CPLX1: variants seen among roughly 807,000 people sequenced by gnomAD.
The protein encoded by CPLX1 is complexin-1.
A neutral mutation model predicts 15.6 loss-of-function variants in CPLX1; 6 were observed. The ratio of observed to expected loss-of-function variants is 0.39; its 90% CI spans 0.21 to 0.76. The LOEUF (loss-of-function observed/expected upper bound fraction) is 0.76, where lower values mean the gene tolerates loss of function less well. Among genes scored for constraint, CPLX1 ranks in the 30% least tolerant of loss-of-function variants. CPLX1 has a pLI of 0.43. For synonymous variants in CPLX1, 91 were observed against 75.2 expected, an observed-to-expected ratio of 1.21 and a Z score of -1.08; for missense variants, 242 against 188.6, an observed-to-expected ratio of 1.28 and a Z score of -1.66.
chr4:803,545 C>T lies in CPLX1; in HGVS notation c.32-10937G>A, dbSNP rs552480660. 1.1e-4 allele frequency among the ~76,000 whole-genome samples: 15 copies of T among 138,868 alleles called. No individual in the cohort carries two copies. In the East Asian group the frequency reaches 2.9e-3, roughly 27 times the overall value. 91.1% of individuals were successfully genotyped at this position (138,868 alleles called of 152,430 possible). On this transcript the variant is annotated intron_variant, in intron 2 of 3. Transcript: ENST00000304062. ...AGCTGGGACTGCAGGCGTCCGCCAC[C>T]GCGCCCGGCTAATTTTTTGTATTTT...
At chr4:787,397 C>T in intron 3 of CPLX1, 3 of 984,062 alleles carry the variant, frequency 3.0e-6, no homozygotes, top group Non-Finnish European at 3.6e-6. Context: ...GAATATTGTC[C>T]CCCTCAAATT....
chr4:787,816 G>T, intron 3 of CPLX1: 3 of 985,412 alleles, frequency 3.0e-6, no homozygotes, highest in Non-Finnish European at 2.4e-6. Context: ...GGAAGCCTGT[G>T]GTCATGGTCA....
chr4:807,641 AT>A (rs778719798), intron 2 of CPLX1, among the ~76,000 whole-genome samples: 8 of 151,182 alleles, frequency 5.3e-5, no homozygotes, highest in Admixed American at 2.0e-4. Context: ...TGCCCGGCCA[AT>A]TTTTTTTTAT....
At chr4:792,648 T>G in intron 2 of CPLX1, 40 bp from the exon 3 acceptor site, 1 of 1,577,582 alleles carries the variant, frequency 6.3e-7, no homozygotes, top group Non-Finnish European at 8.6e-7. Flanking sequence ...CCCATTCAGA[T>G]GTCCAGGGCC....
intron 3 of CPLX1, chr4:788,558 G>A (rs142473390): frequency 9.1e-6 from 9 of 985,460 alleles, no homozygotes; most frequent in Admixed American, 6.1e-5. Context: ...CAACAGGGGC[G>A]ACACCCAGAG....
chr4:824,360 T>A lies in CPLX1; in HGVS notation c.31+132A>T, dbSNP rs182194903. 1.5e-4 allele frequency: 124 copies of A among 817,526 alleles called. No individual in the cohort carries two copies. The East Asian group carries it at 3.0e-3, about 19-fold the overall frequency. The allele number at this position is 817,526 out of a possible 1,614,324, so 50.6% of individuals were successfully genotyped here. A position where few individuals can be genotyped will look rare whatever the true frequency, so the allele number is the denominator to read the frequency against. ...CGGTCCTTGCTCCTCTGCCCCAGGC[T>A]CCTGTGCAGGGCTGCGTGGGTGGCC... On this transcript the variant is annotated intron_variant, in intron 2 of 3. Coordinates refer to ENST00000304062, the MANE Select transcript of CPLX1 (RefSeq NM_006651.4).
intron 2 of CPLX1, among the ~76,000 whole-genome samples, chr4:812,759 C>T (rs367875881): frequency 3.9e-5 from 6 of 152,026 alleles, no homozygotes; most frequent in South Asian, 4.2e-4. Flanking sequence ...CGTGTCCTAA[C>T]GCTGGGTGTC....
intron 2 of CPLX1, among the ~76,000 whole-genome samples, chr4:795,591 C>T (rs145972353): frequency 6.6e-6 from 1 of 152,346 alleles, no homozygotes; most frequent in Non-Finnish European, 1.5e-5. Flanking sequence ...CAGGGGCCGA[C>T]CCCACCCCTA....
chr4:799,733 T>C (rs1746414877), intron 2 of CPLX1, among the ~76,000 whole-genome samples: 1 of 152,142 alleles, frequency 6.6e-6, no homozygotes, highest in South Asian at 2.1e-4. Flanking sequence ...CATGGTGGCA[T>C]GTGCCTGTAA....
rs760512848 is a variant in CPLX1 at position 786,585 on chromosome 4, G to A, written c.321C>T (p.Asp107=). 6.2e-6 allele frequency: 10 copies of A among 1,610,970 alleles called. No homozygotes were observed. Among genetic ancestry groups the A allele is most frequent in the Admixed American group, 3.3e-5 (2 of 59,766 alleles). The change falls in exon 4 of 4, where the codon GAC becomes GAT. Residue 107 remains aspartate (D), a synonymous_variant. Coordinates refer to ENST00000304062, the MANE Select transcript of CPLX1 (RefSeq NM_006651.4). ...PKKAIPPGCG[D]EVEEEDESIL... is the part of the protein sequence containing the mutation. ...TGCTCTCGTCCTCCTCCTCCACCTC[G>A]TCCCCGCAGCCCGGCGGGATGGCCT...
chr4:792,461 T>A lies in CPLX1; in HGVS notation c.179A>T (p.Glu60Val). 1 of 1,608,040 alleles carries A rather than the reference T, an allele frequency of 6.2e-7. No individual in the cohort carries two copies. The highest frequency in any genetic ancestry group is 8.5e-7 in the Non-Finnish European group (1 of 1,177,800). ...GTCTCGGATGCCCTGGCGCACGGCC[T>A]CGCGCTCCGCCTCCATCTTGGCGTA... ...AKYAKMEAER[E>V]AVRQGIRDKY... Residue 60 changes from glutamate to valine, a missense_variant, in exon 3 of 4, where the codon GAG (glutamate) becomes GTG (valine). Coordinates refer to ENST00000304062, the MANE Select transcript of CPLX1 (RefSeq NM_006651.4).
intron 2 of CPLX1, 73 bp from the exon 3 acceptor site, chr4:792,681 C>A (rs1746220444): frequency 1.3e-6 from 2 of 1,491,458 alleles, no homozygotes; most frequent in Non-Finnish European, 1.8e-6. Context: ...CAGCCACACT[C>A]CCCCACCTTC....
At chr4:814,700 G>A (rs974295492) in intron 2 of CPLX1, among the ~76,000 whole-genome samples, 5 of 152,244 alleles carry the variant, frequency 3.3e-5, no homozygotes, top group African/African-American at 7.2e-5. Context: ...GTTTTCCCCA[G>A]GAGTCCGGGA....
chr4:814,510 G>A (rs1002988138), intron 2 of CPLX1, among the ~76,000 whole-genome samples: 2 of 152,166 alleles, frequency 1.3e-5, no homozygotes, highest in African/African-American at 4.8e-5. Flanking sequence ...ACCACGCCCG[G>A]CCCTCTCCCT....
At chr4:808,096 T>C (rs1746591361) in intron 2 of CPLX1, among the ~76,000 whole-genome samples, 1 of 151,890 alleles carries the variant, frequency 6.6e-6, no homozygotes, top group Admixed American at 6.6e-5. Context: ...CAAAACCCTG[T>C]CTCCACAAAA....
chr4:793,411 G>A (rs1746242905), intron 2 of CPLX1, among the ~76,000 whole-genome samples: 1 of 152,166 alleles, frequency 6.6e-6, no homozygotes, highest in Admixed American at 6.5e-5. Flanking sequence ...CTTTTCTCAT[G>A]AGCTGCTGAT....
chr4:794,040 C>A (rs574938469), intron 2 of CPLX1, among the ~76,000 whole-genome samples: 1 of 152,380 alleles, frequency 6.6e-6, no homozygotes, highest in African/African-American at 2.4e-5. Flanking sequence ...AAGCTCCGTG[C>A]TATACGGAGC....
chr4:817,208 C>T (rs541534513), intron 2 of CPLX1, among the ~76,000 whole-genome samples: 7 of 143,344 alleles, frequency 4.9e-5, no homozygotes, highest in East Asian at 4.1e-4. Context: ...GTGACAGAAA[C>T]GTTAAGCAAG....
At chr4:791,915 C>G (rs1486423744) in intron 3 of CPLX1, among the ~76,000 whole-genome samples, 1 of 152,210 alleles carries the variant, frequency 6.6e-6, no homozygotes, top group African/African-American at 2.4e-5. Flanking sequence ...GAGCGGCTGT[C>G]GGGACCCAGG....
Sources: gnomAD v4.1 joint callset for allele counts (sites outside exome capture counted in the v4.1 genomes callset) on GRCh38, gnomAD v4.1.1 for gene constraint, MANE v1.5 for transcripts, NCBI Gene and HGNC (gene_info 2026-07-23, HGNC 2026-07-21) for gene names.